The following THADA variants were observed in gnomAD, a reference collection of about 807,000 sequenced individuals.
THADA encodes the protein THADA armadillo repeat containing.
In THADA, 213 loss-of-function variants were observed where a neutral mutation model predicts 219.8. That is an observed-to-expected ratio of 0.97 (90% CI 0.87 to 1.09). The LOEUF (loss-of-function observed/expected upper bound fraction) is 1.09, where lower values mean the gene tolerates loss of function less well. Ranked by LOEUF, THADA falls within the 50% of genes least tolerant of loss-of-function variation. The pLI is 0.00. For synonymous variants in THADA, 1,018 were observed against 828.9 expected (o/e 1.23, Z -3.92); for missense variants, 2,956 against 2,311.3 (o/e 1.28, Z -5.72).
At chr2:43,399,824 C>T (rs1674574239) in intron 28 of THADA, among the ~76,000 whole-genome samples, 2 of 151,754 alleles carry the variant, frequency 1.3e-5, no homozygotes, top group South Asian at 4.2e-4. Flanking sequence ...TTTGCTTTGG[C>T]CTATAGGAAA....
intron 21 of THADA, among the ~76,000 whole-genome samples, chr2:43,533,402 G>A (rs564180576): frequency 6.6e-6 from 1 of 152,230 alleles, no homozygotes; most frequent in East Asian, 1.9e-4. Context: ...TGTACCCAAA[G>A]GATTATAAAT....
chr2:43,363,026 C>A (rs1170714040), intron 29 of THADA, among the ~76,000 whole-genome samples: 1 of 152,160 alleles, frequency 6.6e-6, no homozygotes, highest in Non-Finnish European at 1.5e-5. Context: ...GAGGCAATAA[C>A]ACGCATGGAG....
At chr2:43,540,238 C>A (rs1695122372) in intron 21 of THADA, among the ~76,000 whole-genome samples, 1 of 152,232 alleles carries the variant, frequency 6.6e-6, no homozygotes, top group Admixed American at 6.5e-5. Flanking sequence ...GAATAAGGAA[C>A]ATAATGATGC....
At chr2:43,515,403 A>ATAT (rs1691601476) in intron 22 of THADA, among the ~76,000 whole-genome samples, 1 of 106,902 alleles carries the variant, frequency 9.4e-6, no homozygotes, top group African/African-American at 3.7e-5. Flanking sequence ...TAATATATAT[A>ATAT]AACTATATAT....
At position 43,322,674 on chromosome 2, in the gene THADA, C is replaced by CTTTTTTTTTTT. The variant is rs34557514; in HGVS notation, c.4344-2145_4344-2135dup. On this transcript the variant is annotated intron_variant, in intron 30 of 37. Transcript: ENST00000405975. ...CATATCCTTCCAAGCACATTCTATT[C>CTTTTTTTTTTT]TTTTTTTTTTTTTTTTTTTTTTTTT... Among the ~76,000 whole-genome samples, 27 of 54,828 alleles carry CTTTTTTTTTTT rather than the reference C, an allele frequency of 4.9e-4. 9 individuals are homozygous for CTTTTTTTTTTT. The highest frequency in any genetic ancestry group is 9.6e-4 in the Admixed American group (4 of 4,182). 36.0% of individuals were successfully genotyped at this position (54,828 alleles called of 152,430 possible).
intron 31 of THADA, among the ~76,000 whole-genome samples, chr2:43,307,603 A>C (rs1677013880): frequency 6.6e-6 from 1 of 152,236 alleles, no homozygotes; most frequent in Non-Finnish European, 1.5e-5. Context: ...CTGTTAGAGG[A>C]GCTACATTTG....
chr2:43,463,840 C>A (rs2104937840), intron 26 of THADA, among the ~76,000 whole-genome samples: 1 of 152,250 alleles, frequency 6.6e-6, no homozygotes, highest in Non-Finnish European at 1.5e-5. Flanking sequence ...AAGGAAAGAG[C>A]AGGATGGTTT....
intron 36 of THADA, among the ~76,000 whole-genome samples, chr2:43,274,993 CTTTTCTTTTTTTTTTT>C (rs1198390212): frequency 3.3e-5 from 4 of 121,626 alleles, no homozygotes; most frequent in Non-Finnish European, 6.9e-5. Context: ...CTTTTCTTTT[CTTTTCTTTTTTTTTTT>C]TTTTTGAGGG....
intron 30 of THADA, among the ~76,000 whole-genome samples, chr2:43,332,780 CAG>C (rs1665940510): frequency 6.6e-6 from 1 of 152,218 alleles, no homozygotes; most frequent in Non-Finnish European, 1.5e-5. Flanking sequence ...TGGAACAAGA[CAG>C]AGATTTCTGA....
chr2:43,279,996 A>T, intron 35 of THADA, 100 bp from the exon 36 acceptor site: 1 of 1,155,688 alleles, frequency 8.7e-7, no homozygotes, highest in Non-Finnish European at 1.2e-6. Flanking sequence ...GCATTGAATG[A>T]GTTACAGCTA....
intron 31 of THADA, among the ~76,000 whole-genome samples, chr2:43,297,811 G>A (rs1304413081): frequency 1.7e-5 from 2 of 119,418 alleles, no homozygotes; most frequent in African/African-American, 3.8e-5. Flanking sequence ...CGCCCCGTCC[G>A]GGAGGGAGGT....
chr2:43,313,604 A>G (rs1005239301), intron 31 of THADA, among the ~76,000 whole-genome samples: 1 of 152,230 alleles, frequency 6.6e-6, no homozygotes, highest in Non-Finnish European at 1.5e-5. Context: ...GCTCTTTCTA[A>G]TAACACGCTC....
intron 29 of THADA, among the ~76,000 whole-genome samples, chr2:43,382,939 T>C (rs1391035808): frequency 6.6e-6 from 1 of 152,360 alleles, no homozygotes; most frequent in East Asian, 1.9e-4. Flanking sequence ...TTATAAATTA[T>C]GTTCTCTGAC....
chr2:43,480,586 C>T (rs765891489), intron 26 of THADA, among the ~76,000 whole-genome samples: 19 of 151,698 alleles, frequency 1.3e-4, no homozygotes, highest in Non-Finnish European at 2.2e-4. Flanking sequence ...CTGAGGCAGG[C>T]GATCACAAGG....
intron 15 of THADA, among the ~76,000 whole-genome samples, chr2:43,561,983 T>G (rs1027257264): frequency 6.6e-6 from 1 of 152,228 alleles, no homozygotes; most frequent in African/African-American, 2.4e-5. Context: ...CAAATGCCTT[T>G]TCTGCAAAAA....
At chr2:43,400,733 C>T (rs1187931822) in intron 28 of THADA, among the ~76,000 whole-genome samples, 2 of 151,892 alleles carry the variant, frequency 1.3e-5, no homozygotes, top group Admixed American at 1.3e-4. Flanking sequence ...TAAGAGAACA[C>T]TCCAAGAAGG....
rs201032662 is a variant in THADA at position 43,439,301 on chromosome 2, G to A, written c.3837-8999C>T. On this transcript the variant is annotated intron_variant, in intron 26 of 37. Transcript: ENST00000405975. Reference sequence around the variant, plus strand: ...AGAGAGAGAGAGAAAGATCACACTCGTTTAACTTTTATTATAGTATATTGT... The same window carrying A: ...AGAGAGAGAGAGAAAGATCACACTCATTTAACTTTTATTATAGTATATTGT... Among the ~76,000 whole-genome samples, 35 of 152,224 alleles carry A rather than the reference G, an allele frequency of 2.3e-4. No individual in the cohort carries two copies. The East Asian group carries it at 4.4e-3, about 19-fold the overall frequency.
At chr2:43,245,097 C>A (rs1230638076) in intron 36 of THADA, among the ~76,000 whole-genome samples, 1 of 151,246 alleles carries the variant, frequency 6.6e-6, no homozygotes, top group African/African-American at 2.4e-5. Context: ...CTTGAAACTT[C>A]TCTTTTTCCT....
At chr2:43,530,621 G>T (rs143837060) in intron 21 of THADA, among the ~76,000 whole-genome samples, 6 of 152,242 alleles carry the variant, frequency 3.9e-5, no homozygotes, top group Non-Finnish European at 7.4e-5. Flanking sequence ...TTCCCAAAAT[G>T]TTGCAGATAT....
Sources: allele counts gnomAD v4.1 joint callset (sites outside exome capture counted in the v4.1 genomes callset), GRCh38; gene constraint gnomAD v4.1.1; transcripts MANE v1.5; gene names NCBI Gene and HGNC (gene_info 2026-07-23, HGNC 2026-07-21).